Variants in MAPT observed in about 807,000 individuals in gnomAD.
The protein encoded by MAPT is microtubule-associated protein tau.
In MAPT, 34 loss-of-function variants were observed where a neutral mutation model predicts 67.9. The ratio of observed to expected loss-of-function variants is 0.50; its 90% confidence interval spans 0.38 to 0.67. The LOEUF (loss-of-function observed/expected upper bound fraction) is 0.67, where lower values mean the gene tolerates loss of function less well. Among genes scored for constraint, MAPT ranks in the 30% least tolerant of loss-of-function variants. The probability of loss-of-function intolerance (pLI) is 0.00; values close to 1 mark genes in which losing one functional copy is unlikely to be tolerated. For missense variants in MAPT, 881 were observed against 1,115.2 expected (o/e 0.79, Z 2.99); for synonymous variants, 456 against 464.5 (o/e 0.98, Z 0.23).
Position 45,932,505 on chromosome 17 carries a change from G to T in MAPT, c.-17-29816G>T, listed in dbSNP as rs558352851. Among the ~76,000 whole-genome samples, 3 of 147,130 alleles carry T rather than the reference G, an allele frequency of 2.0e-5. No individual in the cohort carries two copies. The Admixed American group carries it at 2.1e-4, about 10-fold the overall frequency. ...CTCGGGAGGCTGAGGCAGGAGAATC[G>T]CTTGCACCTGAGAGGTGGAGGTTGC... On this transcript the variant is annotated intron_variant, in intron 1 of 12. Coordinates refer to ENST00000262410, the MANE Select transcript of MAPT (RefSeq NM_001377265.1).
At position 45,983,470 on chromosome 17, in the gene MAPT, C is replaced by T. The variant is rs139571266; in HGVS notation, c.891C>T (p.Arg297=). 28 of 1,608,298 alleles carry T rather than the reference C, an allele frequency of 1.7e-5. No individual in the cohort carries two copies. In the African/African-American group the frequency reaches 2.7e-4, roughly 15 times the overall value. The change falls in exon 5 of 13, where the codon CGC becomes CGT. Residue 297 remains arginine, a synonymous_variant. Coordinates refer to ENST00000262410, the MANE Select transcript of MAPT (RefSeq NM_001377265.1). ...GCAAGGAGGAGGTGGATGAAGACCG[C>T]GACGTCGATGAGTCCTCCCCCCAAG... The part of the protein sequence containing the change: ...PGSKEEVDED[R]DVDESSPQDS...
intron 1 of MAPT, among the ~76,000 whole-genome samples, chr17:45,914,543 G>A (rs150191251): frequency 6.6e-6 from 1 of 152,236 alleles, no homozygotes; most frequent in African/African-American, 2.4e-5. Context: ...TGTCCTCTGC[G>A]TGCAAGGAAG....
intron 1 of MAPT, among the ~76,000 whole-genome samples, chr17:45,946,939 T>G (rs2068570784): frequency 6.6e-6 from 1 of 152,190 alleles, no homozygotes; most frequent in Non-Finnish European, 1.5e-5. Flanking sequence ...CCTTCATCTA[T>G]GCCCTCATAC....
intron 1 of MAPT, among the ~76,000 whole-genome samples, chr17:45,961,650 A>C (rs2070421415): frequency 6.6e-6 from 1 of 151,746 alleles, no homozygotes. Flanking sequence ...TCGTGCCCTC[A>C]CCGTTAAAGA....
chr17:46,023,814 C>G (rs1253912323), intron 12 of MAPT, 142 bp from the exon 13 acceptor site: 1 of 735,148 alleles, frequency 1.4e-6, no homozygotes, highest in East Asian at 2.7e-5. Flanking sequence ...GCACTCTAGC[C>G]TGGGCGATAG....
intron 3 of MAPT, chr17:45,977,643 G>T (rs2072509562): frequency 6.6e-6 from 1 of 152,210 alleles, no homozygotes; most frequent in African/African-American, 2.4e-5. Flanking sequence ...GTGAGCTGTG[G>T]CTTCCTAAAC....
chr17:46,012,907 C>T (rs1471098858), intron 10 of MAPT, among the ~76,000 whole-genome samples: 3 of 152,248 alleles, frequency 2.0e-5, no homozygotes, highest in South Asian at 2.1e-4. Flanking sequence ...CCAGGCCGCG[C>T]GCCATCCATC....
chr17:46,011,387 C>T (rs2075808460), intron 10 of MAPT, among the ~76,000 whole-genome samples: 1 of 152,164 alleles, frequency 6.6e-6, no homozygotes, highest in Non-Finnish European at 1.5e-5. Context: ...CAGAGTGAGA[C>T]TTTGTCTCAA....
chr17:45,952,383 G>A (rs914257036), intron 1 of MAPT, among the ~76,000 whole-genome samples: 2 of 152,198 alleles, frequency 1.3e-5, no homozygotes, highest in Admixed American at 6.5e-5. Flanking sequence ...GCCTCCTGCT[G>A]TCCTGTCACT....
chr17:45,924,453 T>C (rs1411238344), intron 1 of MAPT, among the ~76,000 whole-genome samples: 1 of 152,228 alleles, frequency 6.6e-6, no homozygotes, highest in Non-Finnish European at 1.5e-5. Context: ...CCTCCACTCC[T>C]CTTTGCTGTC....
chr17:45,965,891 A>G (rs2071028704), intron 2 of MAPT, among the ~76,000 whole-genome samples: 1 of 152,202 alleles, frequency 6.6e-6, no homozygotes, highest in Non-Finnish European at 1.5e-5. Flanking sequence ...GTGAGGGTGG[A>G]TGACGTCCGC....
intron 1 of MAPT, chr17:45,931,760 A>AT (rs2066865860): frequency 6.6e-6 from 1 of 152,214 alleles, no homozygotes. Flanking sequence ...TGTGGTTCAC[A>AT]TGCTGTCTCA....
chr17:45,970,173 C>T (rs2071515341), intron 2 of MAPT, among the ~76,000 whole-genome samples: 1 of 152,180 alleles, frequency 6.6e-6, no homozygotes, highest in Admixed American at 6.5e-5. Flanking sequence ...TTCATACATG[C>T]ATCTAATCAT....
Position 45,984,020 on chromosome 17 carries a change from G to A in MAPT, c.1351+90G>A, listed in dbSNP as rs929437629. ...CTGCCACTGAGCTTCCAGGCCTCCC[G>A]ACTCCTGCTGCTTCTGACGTTCCTA... On this transcript the variant is annotated intron_variant, in intron 5 of 12. Transcript: ENST00000262410. 2.4e-5 allele frequency: 26 copies of A among 1,102,450 alleles called. No homozygotes were observed. In the Admixed American group the frequency reaches 3.2e-4, roughly 14 times the overall value. The allele number at this position is 1,102,450 out of a possible 1,614,324, so 68.3% of individuals were successfully genotyped here.
rs1180564337 is a variant in MAPT at position 45,995,518 on chromosome 17, T to C, written c.1733-881T>C. On this transcript the variant is annotated intron_variant, in intron 8 of 12. Coordinates refer to ENST00000262410, the MANE Select transcript of MAPT (RefSeq NM_001377265.1). The surrounding 1 kb of genome is among the most constrained non-coding windows in gnomAD (Gnocchi z 4.3). ...ACCCATGAGATAGAATACCAGACTG[T>C]TGAAGTGTAACGGGGGCCTGGGAAG... 6.6e-6 allele frequency among the ~76,000 whole-genome samples: 1 copy of C among 151,988 alleles called. No individual in the cohort carries two copies. The highest frequency in any genetic ancestry group is 1.5e-5 in the Non-Finnish European group (1 of 68,010).
intron 9 of MAPT, among the ~76,000 whole-genome samples, chr17:46,007,439 A>C (rs1476336923): frequency 6.6e-6 from 1 of 152,172 alleles, no homozygotes; most frequent in Non-Finnish European, 1.5e-5. Flanking sequence ...GTGAGCTACG[A>C]TGGCGCCACT....
At chr17:45,902,678 A>C (rs549572110) in intron 1 of MAPT, among the ~76,000 whole-genome samples, 58 of 152,314 alleles carry the variant, frequency 3.8e-4, no homozygotes, top group African/African-American at 1.3e-3. Flanking sequence ...ATAGAATCCC[A>C]ACTTAAGAGG....
intron 10 of MAPT, among the ~76,000 whole-genome samples, chr17:46,012,352 G>A (rs966006332): frequency 1.3e-5 from 2 of 151,864 alleles, no homozygotes; most frequent in African/African-American, 4.8e-5. Flanking sequence ...TGTGACCCGC[G>A]CTGTGCTCGT....
chr17:45,908,726 A>C (rs1203296434), intron 1 of MAPT, among the ~76,000 whole-genome samples: 2 of 152,280 alleles, frequency 1.3e-5, no homozygotes, highest in Admixed American at 6.5e-5. Flanking sequence ...GTTGAAATAC[A>C]CTTCCCACAG....
Sources: gnomAD v4.1 joint callset for allele counts (sites outside exome capture counted in the v4.1 genomes callset) on GRCh38, gnomAD v4.1.1 for gene constraint, Gnocchi (gnomAD v3.1) non-coding constraint, MANE v1.5 for transcripts, NCBI Gene and HGNC (gene_info 2026-07-23, HGNC 2026-07-21) for gene names.